The following ADSL variants were observed in gnomAD, a reference collection of about 807,000 sequenced individuals.
ADSL encodes adenylosuccinate lyase.
In ADSL, 44 loss-of-function variants were observed where a neutral mutation model predicts 62.1. That is an observed-to-expected ratio of 0.71 (90% CI 0.56 to 0.91). The LOEUF (loss-of-function observed/expected upper bound fraction) is 0.91, where lower values mean the gene tolerates loss of function less well. Among genes scored for constraint, ADSL ranks in the 40% least tolerant of loss-of-function variants. ADSL has a pLI of 0.00. For missense variants in ADSL, 531 were observed against 627.4 expected (o/e 0.85, Z 1.64); for synonymous variants, 198 against 220.5 (o/e 0.90, Z 0.90).
intron 2 of ADSL, among the ~76,000 whole-genome samples, chr22:40,378,713 A>T (rs2047061400): frequency 6.6e-6 from 1 of 152,084 alleles, no homozygotes. Context: ...TGACAGAGCG[A>T]GACTCTGTCT....
At chr22:40,380,450 T>C (rs1214451152) in intron 2 of ADSL, among the ~76,000 whole-genome samples, 2 of 149,692 alleles carry the variant, frequency 1.3e-5, no homozygotes, top group Admixed American at 1.4e-4. Context: ...CACTGTAACC[T>C]CCGCCTCCCG....
intron 12 of ADSL, 49 bp from the exon 13 acceptor site, chr22:40,366,387 C>T (rs2045007276): frequency 2.2e-6 from 3 of 1,346,132 alleles, no homozygotes; most frequent in Non-Finnish European, 3.2e-6. Context: ...GTATTATCTG[C>T]TAATATCTTA....
At chr22:40,361,193 T>G in intron 7 of ADSL, 80 bp from the exon 8 acceptor site, 14 of 1,362,664 alleles carry the variant, frequency 1.0e-5, no homozygotes, top group Non-Finnish European at 1.5e-5. Flanking sequence ...GCTCATCTCC[T>G]TCATCAGCCT....
At chr22:40,355,670 G>A (rs1288823301) in intron 4 of ADSL, among the ~76,000 whole-genome samples, 2 of 152,090 alleles carry the variant, frequency 1.3e-5, no homozygotes, top group African/African-American at 4.8e-5. Context: ...GAATAATGCT[G>A]CCATGAACAA....
chr22:40,385,288 G>C (rs1291734060), intron 2 of ADSL, among the ~76,000 whole-genome samples: 1 of 152,206 alleles, frequency 6.6e-6, no homozygotes, highest in Non-Finnish European at 1.5e-5. Flanking sequence ...CTTTTAAAAA[G>C]TATGGCAGTG....
intron 12 of ADSL, among the ~76,000 whole-genome samples, chr22:40,365,834 C>T (rs1269093252): frequency 6.6e-6 from 1 of 151,856 alleles, no homozygotes; most frequent in Non-Finnish European, 1.5e-5. Context: ...ATTCCCTTGC[C>T]CTCTGGCTTG....
At chr22:40,347,158 T>C in intron 1 of ADSL, 1 of 181,264 alleles carries the variant, frequency 5.5e-6, no homozygotes, top group South Asian at 1.0e-4. Context: ...GCTTGTTGTT[T>C]GCCCTAGCCC....
chr22:40,376,384 G>T (rs1030028655), intron 2 of ADSL: 3 of 151,636 alleles, frequency 2.0e-5, no homozygotes, highest in African/African-American at 7.3e-5. Context: ...AAACTCCTGG[G>T]CTCAAGAGGT....
chr22:40,355,023 A>G (rs766001201), intron 4 of ADSL, among the ~76,000 whole-genome samples: 2 of 152,224 alleles, frequency 1.3e-5, no homozygotes, highest in Non-Finnish European at 2.9e-5. Context: ...GTGTTATGGT[A>G]ACAAAGACAG....
At position 40,368,003 on chromosome 22, in the gene ADSL, C is replaced by G. The variant is rs1001483015; in HGVS notation, c.*1481C>G. 1 of 152,196 alleles carries G rather than the reference C, an allele frequency of 6.6e-6. No individual in the cohort carries two copies. Among genetic ancestry groups the G allele is most frequent in the South Asian group, 2.1e-4 (1 of 4,824 alleles). 9.4% of individuals were successfully genotyped at this position (152,196 alleles called of 1,614,324 possible). Reference sequence around the variant, plus strand: ...TGCTCCGCACTCTTGGCATTACATTCAATTTTGGATACCCAGTCTGAGGAA... The same window carrying G: ...TGCTCCGCACTCTTGGCATTACATTGAATTTTGGATACCCAGTCTGAGGAA... On this transcript the variant is annotated 3_prime_UTR_variant, in exon 13 of 13. Transcript: ENST00000623063.
In ADSL at chr22:40,360,414, C is replaced by T; in HGVS notation, c.714C>T (p.Ile238=). The T allele has an allele frequency of 6.2e-7, 1 of 1,613,334 alleles. No individual in the cohort carries two copies. The highest frequency in any genetic ancestry group is 1.1e-5 in the South Asian group (1 of 91,064). The change falls in exon 7 of 13, where the codon ATC becomes ATT. Residue 238 remains isoleucine (I), a synonymous_variant. Transcript: ENST00000623063. ...TACTTATTCCTAGAGCTTTCATCAT[C>T]ACAGGGCAGACATATACACGAAAAG... ...EKAGFKRAFI[I]TGQTYTRKVD... is the part of the protein sequence containing the mutation.
intron 2 of ADSL, among the ~76,000 whole-genome samples, chr22:40,375,858 T>C (rs1420422419): frequency 6.6e-6 from 1 of 151,994 alleles, no homozygotes; most frequent in Non-Finnish European, 1.5e-5. Context: ...GGCAACATGG[T>C]GAGACCCTGC....
intron 2 of ADSL, among the ~76,000 whole-genome samples, chr22:40,380,867 C>G (rs572478291): frequency 6.6e-6 from 1 of 151,884 alleles, no homozygotes; most frequent in Non-Finnish European, 1.5e-5. Flanking sequence ...CCTGGGAGGT[C>G]GAGGCTGCAG....
chr22:40,377,672 CA>C lies in ADSL; in HGVS notation c.89+11183del, dbSNP rs964048754. Among the ~76,000 whole-genome samples, 26 of 150,518 alleles carry C rather than the reference CA, an allele frequency of 1.7e-4. No individual in the cohort carries two copies. In the South Asian group the frequency reaches 4.2e-3, roughly 24 times the overall value. On this transcript the variant is annotated intron_variant, in intron 2 of 2. Transcript: ENST00000498234. Reference sequence around the variant, plus strand: ...GCAACATAATGGGAACCTGTCTCTACAAAAAAAAACTTTAAAAATTATAAAT... The same window carrying C: ...GCAACATAATGGGAACCTGTCTCTACAAAAAAAACTTTAAAAATTATAAAT...
In ADSL at chr22:40,358,850, C is replaced by T. The variant is rs369824002; in HGVS notation, c.483-14C>T. On this transcript the variant is annotated splice_polypyrimidine_tract_variant and intron_variant, in intron 4 of 12. Transcript: ENST00000623063. The stretch of plus-strand genomic sequence containing the variant: ...TCGGTCTGAGACTTTCGTGTGTTCT[C>T]TTTGGGTTTTCAGGCCTGCACAGCT... 1 of 1,614,098 alleles carries T rather than the reference C, an allele frequency of 6.2e-7. No individual in the cohort carries two copies. Among genetic ancestry groups the T allele is most frequent in the African/African-American group, 1.3e-5 (1 of 75,032 alleles).
At chr22:40,364,559 A>G (rs945922748) in intron 11 of ADSL, 194 bp downstream of exon 11, 1 of 683,386 alleles carries the variant, frequency 1.5e-6, no homozygotes, top group Non-Finnish European at 2.6e-6. Flanking sequence ...GAATTACTTA[A>G]TCACTTGTAG....
At chr22:40,379,112 T>G (rs2047133684) in intron 2 of ADSL, among the ~76,000 whole-genome samples, 1 of 152,210 alleles carries the variant, frequency 6.6e-6, no homozygotes, top group African/African-American at 2.4e-5. Context: ...ACATACAGTG[T>G]GGTCTCTTAT....
rs908274812 is a variant in ADSL, at chr22:40,353,496, C to G, written c.402+379C>G. 3.8e-5 allele frequency: 26 copies of G among 682,078 alleles called. No homozygotes were observed. In the African/African-American group the frequency reaches 4.6e-4, roughly 12 times the overall value. 42.3% of individuals were successfully genotyped at this position (682,078 alleles called of 1,614,324 possible). A position where few individuals can be genotyped will look rare whatever the true frequency, so the allele number is the denominator to read the frequency against. ...AATGGTTTTTGCCATGTTGCCCAGG[C>G]TGGTCTCAAACTCCTGAGCTCAAGG... On this transcript the variant is annotated intron_variant, in intron 3 of 12. Transcript: ENST00000623063.
At chr22:40,348,868 C>A in intron 1 of ADSL, 1 of 333,422 alleles carries the variant, frequency 3.0e-6, no homozygotes, top group Non-Finnish European at 5.4e-6. Context: ...ATCTAAGTTC[C>A]GAGCTGCCTG....
Sources: gnomAD v4.1 joint callset for allele counts (sites outside exome capture counted in the v4.1 genomes callset) on GRCh38, gnomAD v4.1.1 for gene constraint, MANE v1.5 for transcripts, NCBI Gene and HGNC (gene_info 2026-07-23, HGNC 2026-07-21) for gene names.